ATRNL1: variants seen among roughly 807,000 people sequenced by gnomAD.
The protein encoded by ATRNL1 is attractin-like protein 1.
Under a neutral mutation model 182.7 loss-of-function variants are expected in ATRNL1, and 95 were observed. The ratio of observed to expected loss-of-function variants is 0.52; its 90% CI spans 0.44 to 0.62. The LOEUF (loss-of-function observed/expected upper bound fraction) is 0.62, where lower values mean the gene tolerates loss of function less well. Among genes scored for constraint, ATRNL1 ranks in the 20% least tolerant of loss-of-function variants. ATRNL1 has a pLI of 0.00. For synonymous variants in ATRNL1, 576 were observed against 568.3 expected (o/e 1.01, Z -0.19); for missense variants, 1,471 against 1,679.5 (o/e 0.88, Z 2.17).
At chr10:115,387,871 A>T (rs1554953107) in intron 19 of ATRNL1, among the ~76,000 whole-genome samples, 1 of 152,070 alleles carries the variant, frequency 6.6e-6, no homozygotes, top group African/African-American at 2.4e-5. Context: ...GAATCTGATC[A>T]CTCGTATCAC....
intron 18 of ATRNL1, among the ~76,000 whole-genome samples, chr10:115,329,589 A>C (rs992347866): frequency 7.9e-5 from 12 of 151,998 alleles, no homozygotes; most frequent in Non-Finnish European, 1.6e-4. Flanking sequence ...TAAATTCTCG[A>C]TTGTTCTATC....
chr10:115,093,990 C>T lies in ATRNL1; in HGVS notation c.240C>T (p.Leu80=), dbSNP rs368019156. The change falls in exon 1 of 29, where the codon CTC becomes CTT. Residue 80 remains leucine, a synonymous_variant. Transcript: ENST00000355044. The surrounding 1 kb of genome is among the most constrained non-coding windows in gnomAD (Gnocchi z 6.1). Reference sequence around the variant, plus strand: ...GCCGCTGTGTCAACTCCACCTGCCTCTGCGACCCGGGCTGGGTGGGGGACC... The same window carrying T: ...GCCGCTGTGTCAACTCCACCTGCCTTTGCGACCCGGGCTGGGTGGGGGACC... ...FSGRCVNSTC[L]CDPGWVGDQC... 3.8e-6 allele frequency: 6 copies of T among 1,584,052 alleles called. No individual in the cohort carries two copies. The highest frequency in any genetic ancestry group is 5.1e-6 in the Non-Finnish European group (6 of 1,166,722).
chr10:115,464,352 T>G (rs1404472170), intron 22 of ATRNL1, among the ~76,000 whole-genome samples: 1 of 152,016 alleles, frequency 6.6e-6, no homozygotes, highest in African/African-American at 2.4e-5. Context: ...ACAGATTTAA[T>G]TTTAACTCGC....
intron 5 of ATRNL1, among the ~76,000 whole-genome samples, chr10:115,142,055 G>C (rs1326437144): frequency 6.6e-6 from 1 of 152,104 alleles, no homozygotes; most frequent in African/African-American, 2.4e-5. Flanking sequence ...AGAAGACAAA[G>C]ATCCTTGTGG....
intron 25 of ATRNL1, among the ~76,000 whole-genome samples, chr10:115,529,310 T>C (rs145596760): frequency 1.4e-3 from 206 of 152,096 alleles, no homozygotes; most frequent in African/African-American, 4.6e-3. Context: ...TTTATTAGAA[T>C]TTGTCTATGT....
chr10:115,351,742 G>GTGTTTTGTTTTT (rs1856261615), intron 19 of ATRNL1, among the ~76,000 whole-genome samples: 1 of 149,742 alleles, frequency 6.7e-6, no homozygotes, highest in Non-Finnish European at 1.5e-5. Context: ...TTCTTTTCTT[G>GTGTTTTGTTTTT]TGTTTTGTTT....
intron 15 of ATRNL1, among the ~76,000 whole-genome samples, chr10:115,295,397 G>T (rs1554922244): frequency 6.6e-6 from 1 of 152,190 alleles, no homozygotes; most frequent in Admixed American, 6.5e-5. Flanking sequence ...TGCCTGCCAG[G>T]GGTGGCCTGT....
intron 19 of ATRNL1, among the ~76,000 whole-genome samples, chr10:115,388,865 A>G (rs990682392): frequency 6.6e-6 from 1 of 152,120 alleles, no homozygotes; most frequent in African/African-American, 2.4e-5. Context: ...TTTGTGGGGT[A>G]AAATGTGGCA....
chr10:115,919,911 G>A (rs767799277), intron 28 of ATRNL1, among the ~76,000 whole-genome samples: 4 of 151,970 alleles, frequency 2.6e-5, no homozygotes, highest in Non-Finnish European at 5.9e-5. Flanking sequence ...ATTCATGAGG[G>A]CTCCACCCTC....
chr10:115,217,211 C>T (rs1554896468), intron 9 of ATRNL1, among the ~76,000 whole-genome samples: 5 of 152,182 alleles, frequency 3.3e-5, no homozygotes, highest in African/African-American at 1.2e-4. Context: ...GCCTCAGCAT[C>T]CTGAGTAGCT....
intron 27 of ATRNL1, among the ~76,000 whole-genome samples, chr10:115,823,617 A>T (rs1555091124): frequency 6.6e-6 from 1 of 152,210 alleles, no homozygotes; most frequent in Non-Finnish European, 1.5e-5. Context: ...ACTCACAAGC[A>T]TTCCATACAC....
At chr10:115,451,186 A>G (rs892962946) in intron 21 of ATRNL1, among the ~76,000 whole-genome samples, 9 of 152,200 alleles carry the variant, frequency 5.9e-5, no homozygotes, top group African/African-American at 1.7e-4. Flanking sequence ...AAACTAGGCA[A>G]TGCCATCCTG....
intron 1 of ATRNL1, among the ~76,000 whole-genome samples, chr10:115,106,773 G>A (rs560694327): frequency 4.1e-4 from 62 of 152,222 alleles, no homozygotes; most frequent in African/African-American, 1.4e-3. Context: ...CCAGCCATGT[G>A]GAACTGTAAG....
chr10:115,864,980 TAAAAAAA>T (rs76771298), intron 28 of ATRNL1, among the ~76,000 whole-genome samples: 1 of 111,010 alleles, frequency 9.0e-6, no homozygotes, highest in Non-Finnish European at 1.9e-5. Context: ...AGACTCCGTC[TAAAAAAA>T]AAAAAAAAAG....
chr10:115,142,160 A>G (rs1170623185), intron 5 of ATRNL1, among the ~76,000 whole-genome samples: 2 of 152,192 alleles, frequency 1.3e-5, no homozygotes, highest in African/African-American at 4.8e-5. Flanking sequence ...AAATTAAAGT[A>G]GAACAGAGAA....
intron 27 of ATRNL1, among the ~76,000 whole-genome samples, chr10:115,829,683 C>T (rs1450979213): frequency 6.6e-6 from 1 of 152,094 alleles, no homozygotes; most frequent in East Asian, 1.9e-4. Flanking sequence ...AGGAATTCCA[C>T]TTCAGTAGTT....
At chr10:115,226,617 C>T (rs1310193277) in intron 9 of ATRNL1, among the ~76,000 whole-genome samples, 1 of 150,870 alleles carries the variant, frequency 6.6e-6, no homozygotes, top group African/African-American at 2.4e-5. Context: ...GCCCGAATAA[C>T]CAAAGCAATC....
At chr10:115,763,813 A>C (rs1218313902) in intron 27 of ATRNL1, among the ~76,000 whole-genome samples, 1 of 152,200 alleles carries the variant, frequency 6.6e-6, no homozygotes, top group African/African-American at 2.4e-5. Flanking sequence ...TGTATGTTTA[A>C]AACTTCTATA....
chr10:115,491,112 T>C (rs1375487953), intron 24 of ATRNL1, among the ~76,000 whole-genome samples: 1 of 152,116 alleles, frequency 6.6e-6, no homozygotes, highest in Non-Finnish European at 1.5e-5. Context: ...CAAGCTTCGT[T>C]CCAGAGGGGC....
Sources: gnomAD v4.1 joint callset for allele counts (sites outside exome capture counted in the v4.1 genomes callset) on GRCh38, gnomAD v4.1.1 for gene constraint, Gnocchi (gnomAD v3.1) non-coding constraint, MANE v1.5 for transcripts, NCBI Gene and HGNC (gene_info 2026-07-23, HGNC 2026-07-21) for gene names.